The following CDH26 variants were observed in gnomAD, a reference collection of about 807,000 sequenced individuals.
CDH26 encodes cadherin-like protein 26.
In CDH26, 83 loss-of-function variants were observed where a neutral mutation model predicts 90.3. The ratio of observed to expected loss-of-function variants is 0.92; its 90% CI spans 0.77 to 1.10. CDH26 has a LOEUF of 1.10. CDH26 is among the 50% of genes least tolerant of loss of function. CDH26 has a pLI of 0.00. For synonymous variants in CDH26, 397 were observed against 396.3 expected (o/e 1.00, Z -0.02); for missense variants, 1,013 against 1,037.6 (o/e 0.98, Z 0.33).
At chr20:59,965,050 C>T (rs2061128523) in intron 1 of CDH26, among the ~76,000 whole-genome samples, 1 of 152,236 alleles carries the variant, frequency 6.6e-6, no homozygotes, top group South Asian at 2.1e-4. Flanking sequence ...AAACTACTGA[C>T]ATTAATCAAG....
chr20:59,993,433 G>A (rs975086692), intron 10 of CDH26, among the ~76,000 whole-genome samples: 3 of 152,070 alleles, frequency 2.0e-5, no homozygotes, highest in Admixed American at 6.5e-5. Context: ...CCCTGCTTCT[G>A]GGTCTCCAGA....
intron 4 of CDH26, among the ~76,000 whole-genome samples, chr20:59,973,745 T>G (rs2061292958): frequency 6.6e-6 from 1 of 152,244 alleles, no homozygotes. Flanking sequence ...TATGGCTGCA[T>G]AGTATTCCAT....
chr20:59,979,479 G>T (rs1047839801), intron 4 of CDH26, among the ~76,000 whole-genome samples: 19 of 152,092 alleles, frequency 1.2e-4, no homozygotes, highest in African/African-American at 4.6e-4. Context: ...TTACAGGCGT[G>T]AGCCGCCGTG....
At chr20:60,006,153 T>A (rs2061746814) in intron 16 of CDH26, among the ~76,000 whole-genome samples, 1 of 152,222 alleles carries the variant, frequency 6.6e-6, no homozygotes, top group Admixed American at 6.5e-5. Context: ...GTGCTTTGCT[T>A]GCCTCCAGGC....
downstream of CDH26, among the ~76,000 whole-genome samples, chr20:60,035,764 C>G (rs2062077694): frequency 6.6e-6 from 1 of 151,986 alleles, no homozygotes; most frequent in Non-Finnish European, 1.5e-5. Context: ...TCTCACGAGA[C>G]CTGGTGGTTT....
chr20:60,032,860 AG>A (rs1212605010), intron 8 of CDH26, among the ~76,000 whole-genome samples: 2 of 59,544 alleles, frequency 3.4e-5, no homozygotes, highest in Non-Finnish European at 6.1e-5. Flanking sequence ...GGGTGGGGGG[AG>A]GGGGGAGGGA....
Position 59,983,132 on chromosome 20 carries a change from T to C in CDH26, c.541+62T>C. ...TCTCTGCTCTGTTCCTTTTCATTAA[T>C]ATTGATGAGGAGCTTGATCCTAGTC... is the stretch of plus-strand genomic sequence containing the variant. On this transcript the variant is annotated intron_variant, in intron 5 of 17. Coordinates refer to ENST00000348616, the MANE Select transcript of CDH26 (RefSeq NM_177980.4). 6 of 1,554,258 alleles carry C rather than the reference T, an allele frequency of 3.9e-6. No homozygotes were observed. The Middle Eastern group carries it at 5.2e-4, about 134-fold the overall frequency.
chr20:60,001,833 C>T (rs1385748665), intron 15 of CDH26, among the ~76,000 whole-genome samples: 1 of 152,238 alleles, frequency 6.6e-6, no homozygotes, highest in East Asian at 1.9e-4. Context: ...TTGTACTCTA[C>T]ATACAAATTC....
chr20:59,994,207 G>A (rs2061562254), intron 10 of CDH26, 43 bp from the exon 11 acceptor site: 2 of 1,611,956 alleles, frequency 1.2e-6, no homozygotes, highest in South Asian at 1.1e-5. Flanking sequence ...AGAGCTGTGT[G>A]TGCACGAGAT....
intron 1 of CDH26, among the ~76,000 whole-genome samples, chr20:59,959,840 A>G (rs1242253778): frequency 6.6e-6 from 1 of 152,244 alleles, no homozygotes; most frequent in African/African-American, 2.4e-5. Flanking sequence ...TTTAAATGGG[A>G]ATACAAACTA....
At chr20:59,975,348 G>T (rs538565473) in intron 4 of CDH26, among the ~76,000 whole-genome samples, 1 of 152,212 alleles carries the variant, frequency 6.6e-6, no homozygotes, top group South Asian at 2.1e-4. Flanking sequence ...TGATGCCAAG[G>T]AACACTGAGG....
At position 59,958,708 on chromosome 20, in the gene CDH26, C is replaced by G; in HGVS notation, c.-19C>G. 1 of 1,613,526 alleles carries G rather than the reference C, an allele frequency of 6.2e-7. No homozygotes were observed. The highest frequency in any genetic ancestry group is 2.2e-5 in the East Asian group (1 of 44,850). On this transcript the variant is annotated 5_prime_UTR_variant, in exon 1 of 18. Coordinates refer to ENST00000348616, the MANE Select transcript of CDH26 (RefSeq NM_177980.4). ...TGGTCATCAGCTGCACGTTCTGGGT[C>G]TGTCTTGGGTATTCCCATATGGCCA...
intron 16 of CDH26, 151 bp downstream of exon 16, chr20:60,003,017 C>T (rs1364307659): frequency 1.0e-5 from 5 of 497,838 alleles, no homozygotes; most frequent in Non-Finnish European, 1.8e-5. Context: ...GAGAAGCGAA[C>T]GTGAAGAGAG....
chr20:59,985,518 G>A (rs1229805264), intron 7 of CDH26, among the ~76,000 whole-genome samples: 1 of 152,126 alleles, frequency 6.6e-6, no homozygotes, highest in Non-Finnish European at 1.5e-5. Flanking sequence ...CTCAGGGCCA[G>A]AGCTTCCTTA....
chr20:59,971,007 T>G (rs2061254825), intron 3 of CDH26, among the ~76,000 whole-genome samples: 1 of 152,072 alleles, frequency 6.6e-6, no homozygotes, highest in Non-Finnish European at 1.5e-5. Flanking sequence ...GCCTCCCTCA[T>G]GCTGAGGGTG....
intron 7 of CDH26, among the ~76,000 whole-genome samples, chr20:59,986,657 A>T (rs1188225478): frequency 6.7e-6 from 1 of 148,804 alleles, no homozygotes; most frequent in Non-Finnish European, 1.5e-5. Context: ...ACACACACAC[A>T]CACTCAGCTC....
At chr20:59,961,359 T>G (rs1007180105) in intron 1 of CDH26, among the ~76,000 whole-genome samples, 2 of 152,206 alleles carry the variant, frequency 1.3e-5, no homozygotes, top group Non-Finnish European at 2.9e-5. Flanking sequence ...ACAGCAGCTT[T>G]ATGTAGATTC....
chr20:59,995,776 T>C (rs990880810), intron 11 of CDH26, 57 bp from the exon 12 acceptor site: 37 of 1,488,530 alleles, frequency 2.5e-5, no homozygotes, highest in South Asian at 3.4e-5. Flanking sequence ...AAGCGTGTGT[T>C]GAGCAGATGA....
chr20:60,034,621 C>A (rs1306125669), downstream of CDH26, among the ~76,000 whole-genome samples: 2 of 152,226 alleles, frequency 1.3e-5, no homozygotes, highest in African/African-American at 4.8e-5. Flanking sequence ...AGGGCCCCCA[C>A]CAGCTACAAA....
Sources: allele counts gnomAD v4.1 joint callset (sites outside exome capture counted in the v4.1 genomes callset), GRCh38; gene constraint gnomAD v4.1.1; transcripts MANE v1.5; gene names NCBI Gene and HGNC (gene_info 2026-07-23, HGNC 2026-07-21).